Variants in MAML2 observed in about 807,000 individuals in gnomAD.
MAML2 encodes the protein mastermind like transcriptional coactivator 2.
MAML2 carries 22 observed loss-of-function variants against 96.1 expected under a neutral mutation model. The ratio of observed to expected loss-of-function variants is 0.23; its 90% CI spans 0.16 to 0.33. The LOEUF is 0.33. Ranked by LOEUF, MAML2 falls within the 10% of genes least tolerant of loss-of-function variation. MAML2 has a pLI of 1.00. For synonymous variants in MAML2, 561 were observed against 521.3 expected (o/e 1.08, Z -1.04); for missense variants, 1,367 against 1,392.4 (o/e 0.98, Z 0.29).
At chr11:96,255,705 T>C (rs1192601297) in intron 1 of MAML2, among the ~76,000 whole-genome samples, 4 of 152,030 alleles carry the variant, frequency 2.6e-5, no homozygotes, top group African/African-American at 9.7e-5. Context: ...AGCCGCCATT[T>C]CCAGATGAGG....
chr11:96,025,732 T>C (rs1858507766), intron 2 of MAML2, among the ~76,000 whole-genome samples: 1 of 152,122 alleles, frequency 6.6e-6, no homozygotes, highest in South Asian at 2.1e-4. Context: ...TTTTTTTTTC[T>C]TTGTATTTTT....
chr11:96,088,827 GC>G (rs1337904095), intron 2 of MAML2, among the ~76,000 whole-genome samples: 20 of 152,128 alleles, frequency 1.3e-4, no homozygotes, highest in Admixed American at 1.3e-3. Context: ...CACAGGAATT[GC>G]CCACATTCAG....
Position 96,342,715 on chromosome 11 carries a change from C to T in MAML2, c.-820G>A, listed in dbSNP as rs955652614. On this transcript the variant is annotated 5_prime_UTR_variant, in exon 1 of 5. Coordinates refer to ENST00000524717, the MANE Select transcript of MAML2 (RefSeq NM_032427.4). ...CAGCTAATCCAATCACCGGTAAAAT[C>T]CTCACTCCCTCTAAGGTTTCCTAGC... The T allele has an allele frequency of 1.8e-5, 6 of 334,464 alleles. No individual in the cohort carries two copies. Among genetic ancestry groups the T allele is most frequent in the African/African-American group, 1.3e-4 (6 of 47,682 alleles). 20.7% of individuals were successfully genotyped at this position (334,464 alleles called of 1,614,324 possible). A position where few individuals can be genotyped will look rare whatever the true frequency, so the allele number is the denominator to read the frequency against.
intron 1 of MAML2, among the ~76,000 whole-genome samples, chr11:96,340,597 C>G (rs1007832463): frequency 6.6e-6 from 1 of 152,190 alleles, no homozygotes; most frequent in African/African-American, 2.4e-5. Flanking sequence ...ATCCTATCAC[C>G]AGGAGTGGCT....
intron 1 of MAML2, among the ~76,000 whole-genome samples, chr11:96,311,319 T>G (rs1284660842): frequency 6.6e-6 from 1 of 152,240 alleles, no homozygotes; most frequent in Non-Finnish European, 1.5e-5. Context: ...ATAGTCACAC[T>G]CACTTTAGTT....
intron 1 of MAML2, among the ~76,000 whole-genome samples, chr11:96,255,135 G>A (rs1591098743): frequency 6.6e-6 from 1 of 152,120 alleles, no homozygotes; most frequent in Non-Finnish European, 1.5e-5. Flanking sequence ...CAGCCTGAGG[G>A]CTCTTTTGAA....
intron 1 of MAML2, among the ~76,000 whole-genome samples, chr11:96,268,930 A>T (rs1266464692): frequency 6.9e-6 from 1 of 144,810 alleles, no homozygotes; most frequent in Admixed American, 7.3e-5. Flanking sequence ...GCAGCAAGAG[A>T]AGAGATTAAT....
chr11:96,019,436 G>A (rs191283887), intron 2 of MAML2, among the ~76,000 whole-genome samples: 31 of 151,918 alleles, frequency 2.0e-4, no homozygotes, highest in Admixed American at 7.2e-4. Context: ...TTCAACATGG[G>A]GTCCTCTGGG....
chr11:96,095,572 T>C (rs1323987105), intron 1 of MAML2, among the ~76,000 whole-genome samples: 2 of 152,160 alleles, frequency 1.3e-5, no homozygotes, highest in African/African-American at 4.8e-5. Flanking sequence ...TGTTGTTCCA[T>C]TGTGTTAACT....
intron 2 of MAML2, among the ~76,000 whole-genome samples, chr11:96,089,866 G>T (rs1232305512): frequency 1.1e-5 from 1 of 93,120 alleles, no homozygotes; most frequent in African/African-American, 3.6e-5. Flanking sequence ...TTTTGGAAGA[G>T]ATGAAAATTA....
intron 2 of MAML2, among the ~76,000 whole-genome samples, chr11:95,996,984 T>C (rs1193699244): frequency 6.6e-6 from 1 of 152,070 alleles, no homozygotes; most frequent in Non-Finnish European, 1.5e-5. Flanking sequence ...TGCATGCATG[T>C]GTGTGATTGT....
chr11:95,992,901 G>C (rs1290270757), intron 2 of MAML2, among the ~76,000 whole-genome samples: 1 of 150,376 alleles, frequency 6.6e-6, no homozygotes, highest in Non-Finnish European at 1.5e-5. Flanking sequence ...TTTTTTAAGA[G>C]ACAGAGTCTC....
chr11:96,332,699 G>T (rs75294406), intron 1 of MAML2, among the ~76,000 whole-genome samples: 2 of 152,152 alleles, frequency 1.3e-5, no homozygotes, highest in African/African-American at 4.8e-5. Context: ...AATCAAATGC[G>T]CAAGACTTAG....
At chr11:96,030,190 T>G (rs1365296383) in intron 2 of MAML2, among the ~76,000 whole-genome samples, 2 of 151,700 alleles carry the variant, frequency 1.3e-5, no homozygotes, top group African/African-American at 4.8e-5. Context: ...GAGCCGAGAT[T>G]GCGCCACTGC....
rs781321937 is a variant in MAML2, at chr11:96,092,415, C to T, written c.1616G>A (p.Arg539Gln). Residue 539 changes from arginine to glutamine, a missense_variant, in exon 2 of 5, where the codon CGA becomes CAA. Physicochemically the swap from Arg to Gln is conservative, Grantham distance 43. Transcript: ENST00000524717. The surrounding 1 kb of genome is among the most constrained non-coding windows in gnomAD (Gnocchi z 4.1). ...LMQQKPQDLSRSFINNPHPAM... is the reference protein window; with the variant it reads ...LMQQKPQDLSQSFINNPHPAM... ...TGGGTGCGGGTTGTTAATAAAACTT[C>T]GACTGAGATCCTGAGGCTTTTGCTG... 4.0e-5 allele frequency: 64 copies of T among 1,613,800 alleles called. No homozygotes were observed. Among genetic ancestry groups the T allele is most frequent in the Non-Finnish European group, 2.5e-5 (29 of 1,179,882 alleles).
intron 2 of MAML2, among the ~76,000 whole-genome samples, chr11:96,074,745 AAGTT>A (rs1859407094): frequency 6.6e-6 from 1 of 152,170 alleles, no homozygotes; most frequent in Non-Finnish European, 1.5e-5. Context: ...ACCAGAATAA[AAGTT>A]AGATTCCTGT....
intron 1 of MAML2, among the ~76,000 whole-genome samples, chr11:96,257,641 G>GGCGAT (rs1209604671): frequency 2.6e-5 from 4 of 152,078 alleles, no homozygotes; most frequent in Non-Finnish European, 5.9e-5. Flanking sequence ...ATGCATTGAT[G>GGCGAT]GCAACCCCCT....
At position 96,038,630 on chromosome 11, in the gene MAML2, A is replaced by G. The variant is rs941117309; in HGVS notation, c.2140-46907T>C. On this transcript the variant is annotated intron_variant, in intron 2 of 4. Coordinates refer to ENST00000524717, the MANE Select transcript of MAML2 (RefSeq NM_032427.4). Reference sequence around the variant, plus strand: ...GTATTTGTATTTGCTGTTTCCTCTAACTGGAATGCTCCTCCTCATGGTCCT... The same window carrying G: ...GTATTTGTATTTGCTGTTTCCTCTAGCTGGAATGCTCCTCCTCATGGTCCT... 7.2e-5 allele frequency among the ~76,000 whole-genome samples: 11 copies of G among 152,214 alleles called. No individual in the cohort carries two copies. The East Asian group carries it at 2.1e-3, about 29-fold the overall frequency.
At chr11:96,219,326 C>A (rs2135945122) in intron 1 of MAML2, among the ~76,000 whole-genome samples, 1 of 152,282 alleles carries the variant, frequency 6.6e-6, no homozygotes, top group Non-Finnish European at 1.5e-5. Context: ...CTTCAAAAAC[C>A]AGCTATAATT....
Sources: gnomAD v4.1 joint callset for allele counts (sites outside exome capture counted in the v4.1 genomes callset) on GRCh38, gnomAD v4.1.1 for gene constraint, Gnocchi (gnomAD v3.1) non-coding constraint, MANE v1.5 for transcripts, NCBI Gene and HGNC (gene_info 2026-07-23, HGNC 2026-07-21) for gene names.